Variants in QTMAN observed in about 807,000 individuals in gnomAD.
QTMAN encodes the protein queuosine-tRNA mannosyltransferase.
the QTMAN span, among the ~76,000 whole-genome samples, chr2:144,216,220 T>A: frequency 6.6e-6 from 1 of 152,212 alleles, no homozygotes; most frequent in African/African-American, 2.4e-5. Context: ...CTATGAAGCC[T>A]TTCCCTGAAC....
chr2:144,051,625 A>G, the QTMAN span, among the ~76,000 whole-genome samples: 803 of 152,346 alleles, frequency 5.3e-3, 9 homozygotes, highest in African/African-American at 0.019. Flanking sequence ...TACTCCTGAT[A>G]ATCCAGTTGA....
At chr2:144,133,193 A>T in the QTMAN span, among the ~76,000 whole-genome samples, 1 of 67,914 alleles carries the variant, frequency 1.5e-5, no homozygotes, top group African/African-American at 1.0e-4. Flanking sequence ...ATATAAATTT[A>T]TATATATATA....
the QTMAN span, among the ~76,000 whole-genome samples, chr2:144,101,431 T>G: frequency 6.6e-6 from 1 of 152,014 alleles, no homozygotes; most frequent in Admixed American, 6.6e-5. Context: ...TACTGTGAAA[T>G]GTATCTAATT....
At chr2:144,269,442 T>A in the QTMAN span, among the ~76,000 whole-genome samples, 1 of 152,214 alleles carries the variant, frequency 6.6e-6, no homozygotes, top group South Asian at 2.1e-4. Context: ...TATCGTTAAT[T>A]TTTAACTTTT....
At chr2:144,202,667 T>C in the QTMAN span, among the ~76,000 whole-genome samples, 2 of 152,188 alleles carry the variant, frequency 1.3e-5, no homozygotes, top group African/African-American at 4.8e-5. Flanking sequence ...AAATAATGAT[T>C]GTCTTCCCTC....
the QTMAN span, among the ~76,000 whole-genome samples, chr2:143,962,446 C>T: frequency 4.6e-5 from 7 of 152,028 alleles, no homozygotes; most frequent in African/African-American, 7.2e-5. Flanking sequence ...GAACCTCCCC[C>T]GCTATAAAGG....
chr2:143,972,784 T>C, the QTMAN span, among the ~76,000 whole-genome samples: 2 of 152,182 alleles, frequency 1.3e-5, no homozygotes, highest in Admixed American at 1.3e-4. Flanking sequence ...TTCCCAAAGT[T>C]ATCTGTCAGA....
chr2:144,020,768 A>G, the QTMAN span, among the ~76,000 whole-genome samples: 2 of 152,178 alleles, frequency 1.3e-5, no homozygotes, highest in African/African-American at 4.8e-5. Context: ...GAGACAATGT[A>G]GAGAACAGGA....
the QTMAN span, among the ~76,000 whole-genome samples, chr2:143,982,352 T>G: frequency 6.6e-6 from 1 of 151,930 alleles, no homozygotes; most frequent in African/African-American, 2.4e-5. Flanking sequence ...TGTCTCAGCT[T>G]ACCAAGTATC....
chr2:144,277,908 T>C, the QTMAN span, among the ~76,000 whole-genome samples: 2 of 152,182 alleles, frequency 1.3e-5, no homozygotes, highest in African/African-American at 2.4e-5. Flanking sequence ...AAGTATACTT[T>C]TGCTAGACCT....
the QTMAN span, among the ~76,000 whole-genome samples, chr2:144,040,247 A>G: frequency 6.6e-6 from 1 of 152,172 alleles, no homozygotes; most frequent in Non-Finnish European, 1.5e-5. Context: ...GAGAGCAGAC[A>G]ATAAGATCTC....
At chr2:144,250,653 T>C in the QTMAN span, among the ~76,000 whole-genome samples, 1 of 149,622 alleles carries the variant, frequency 6.7e-6, no homozygotes, top group South Asian at 2.1e-4. Context: ...CCAGACATAC[T>C]AACCTCTTAG....
the QTMAN span, among the ~76,000 whole-genome samples, chr2:144,186,310 CAG>C: frequency 6.6e-6 from 1 of 152,080 alleles, no homozygotes; most frequent in African/African-American, 2.4e-5. Flanking sequence ...ATAAGAGAAA[CAG>C]ATATAAAAAT....
the QTMAN span, among the ~76,000 whole-genome samples, chr2:144,037,869 G>A: frequency 1.3e-5 from 2 of 152,076 alleles, no homozygotes; most frequent in African/African-American, 4.8e-5. Context: ...AACTCTTTTT[G>A]CAATATAGCA....
At chr2:144,286,635 A>G in the QTMAN span, among the ~76,000 whole-genome samples, 1 of 152,218 alleles carries the variant, frequency 6.6e-6, no homozygotes, top group Admixed American at 6.5e-5. Flanking sequence ...CATGGCATCT[A>G]TGTTTTGGTT....
chr2:144,324,270 G>A, the QTMAN span, among the ~76,000 whole-genome samples: 1 of 152,106 alleles, frequency 6.6e-6, no homozygotes, highest in Non-Finnish European at 1.5e-5. Flanking sequence ...AGTCAATTGA[G>A]TAAGACCTCT....
the QTMAN span, among the ~76,000 whole-genome samples, chr2:144,108,020 T>C: frequency 6.6e-6 from 1 of 152,128 alleles, no homozygotes; most frequent in South Asian, 2.1e-4. Flanking sequence ...ATTATCTCAA[T>C]AGATGCAGAA....
chr2:144,183,228 GAT>G, the QTMAN span, among the ~76,000 whole-genome samples: 2 of 151,888 alleles, frequency 1.3e-5, no homozygotes, highest in Non-Finnish European at 2.9e-5. Context: ...ATAAGCATAA[GAT>G]ATACTTTTAA....
At chr2:144,322,512 T>C in the QTMAN span, among the ~76,000 whole-genome samples, 4 of 152,188 alleles carry the variant, frequency 2.6e-5, no homozygotes, top group Non-Finnish European at 5.9e-5. Flanking sequence ...ATTTCTTTCA[T>C]GCCTAGCTTA....
Sources: allele counts gnomAD v4.1 joint callset (sites outside exome capture counted in the v4.1 genomes callset), GRCh38; gene constraint gnomAD v4.1.1; transcripts MANE v1.5; gene names NCBI Gene and HGNC (gene_info 2026-07-23, HGNC 2026-07-21).